PLEKHB2: variants seen among roughly 807,000 people sequenced by gnomAD.
PLEKHB2 encodes the protein pleckstrin homology domain-containing family B member 2.
A neutral mutation model predicts 36.5 loss-of-function variants in PLEKHB2; 31 were observed. The ratio of observed to expected loss-of-function variants is 0.85; its 90% CI spans 0.64 to 1.15. The LOEUF is 1.15. Among genes scored for constraint, PLEKHB2 ranks in the 50% most tolerant of loss-of-function variants. The pLI, the probability that PLEKHB2 is intolerant of heterozygous loss-of-function variation, is 0.00. For synonymous variants in PLEKHB2, 119 were observed against 112.0 expected, an observed-to-expected ratio of 1.06 and a Z score of -0.39; for missense variants, 262 against 295.3, an observed-to-expected ratio of 0.89 and a Z score of 0.83.
rs537431537 is a variant in PLEKHB2, at chr2:131,122,206, C to T, written c.37+1228C>T. ...CTGGGATTACAGGCGTGAGCCACCG[C>T]GCCCGGCCTCATACTGTGTTTTAAA... On this transcript the variant is annotated intron_variant, in intron 2 of 7. Coordinates refer to ENST00000693505, the MANE Select transcript of PLEKHB2 (RefSeq NM_001100623.2). Among the ~76,000 whole-genome samples the T allele has an allele frequency of 5.1e-4, 77 of 152,178 alleles. No individual in the cohort carries two copies. In the Middle Eastern group the frequency reaches 0.01, roughly 20 times the overall value.
intron 3 of PLEKHB2, 107 bp from the exon 4 acceptor site, chr2:131,126,577 A>G (rs1410295524): frequency 4.2e-6 from 3 of 708,520 alleles, no homozygotes; most frequent in South Asian, 3.1e-5. Context: ...TCATAGATGT[A>G]GCACTTGATT....
intron 1 of PLEKHB2, among the ~76,000 whole-genome samples, chr2:131,115,170 A>G (rs1695732234): frequency 6.6e-6 from 1 of 152,074 alleles, no homozygotes; most frequent in South Asian, 2.1e-4. Flanking sequence ...TCCCATTTAT[A>G]AAACTGTCAG....
intron 1 of PLEKHB2, among the ~76,000 whole-genome samples, chr2:131,110,093 T>TG (rs1248212975): frequency 6.6e-6 from 1 of 151,896 alleles, no homozygotes; most frequent in Non-Finnish European, 1.5e-5. Flanking sequence ...CCAGCCTGGG[T>TG]GACAGAGTGA....
At chr2:131,110,772 G>A (rs1695226048) in intron 1 of PLEKHB2, among the ~76,000 whole-genome samples, 2 of 152,264 alleles carry the variant, frequency 1.3e-5, no homozygotes, top group South Asian at 4.1e-4. Flanking sequence ...CTTGCTGATT[G>A]TTGATCCTTT....
At chr2:131,116,482 T>A (rs1480355583) in intron 1 of PLEKHB2, among the ~76,000 whole-genome samples, 2 of 152,204 alleles carry the variant, frequency 1.3e-5, no homozygotes, top group Non-Finnish European at 2.9e-5. Flanking sequence ...ACAGGAGGCA[T>A]GGCTGTGGAG....
chr2:131,115,542 A>G (rs2104802345), intron 1 of PLEKHB2, among the ~76,000 whole-genome samples: 1 of 151,438 alleles, frequency 6.6e-6, no homozygotes, highest in African/African-American at 2.4e-5. Context: ...TTTAGTAGAG[A>G]CGGGGTTTCA....
intron 1 of PLEKHB2, chr2:131,118,988 C>T (rs370143273): frequency 5.0e-4 from 76 of 151,126 alleles, no homozygotes; most frequent in African/African-American, 1.8e-3. Context: ...GGTGCGGTGG[C>T]TCATGCCTGT....
intron 4 of PLEKHB2, among the ~76,000 whole-genome samples, 185 bp from the exon 5 acceptor site, chr2:131,130,536 A>T (rs72982495): frequency 0.011 from 1,621 of 152,330 alleles, 23 homozygotes; most frequent in African/African-American, 0.033. Context: ...TAAATATTAC[A>T]TATCTATTAT....
In PLEKHB2 at chr2:131,112,335, A is replaced by G. The variant is rs79924491; in HGVS notation, c.-9+6937A>G. ...TGAACACTAACACCTTGCCCTATAC[A>G]TCTCTTCATCTGTGTCCTTTGTAAT... On this transcript the variant is annotated intron_variant, in intron 1 of 7. Transcript: ENST00000693505. Among the ~76,000 whole-genome samples, 70 of 152,320 alleles carry G rather than the reference A, an allele frequency of 4.6e-4. No individual in the cohort carries two copies. In the East Asian group the frequency reaches 0.013, roughly 27 times the overall value.
At chr2:131,133,539 A>G (rs2104917355) in intron 6 of PLEKHB2, among the ~76,000 whole-genome samples, 1 of 152,316 alleles carries the variant, frequency 6.6e-6, no homozygotes, top group South Asian at 2.1e-4. Flanking sequence ...TGTTTTCCCC[A>G]TTTGTTAATA....
chr2:131,131,534 G>A (rs552035862), intron 5 of PLEKHB2, among the ~76,000 whole-genome samples: 2 of 152,192 alleles, frequency 1.3e-5, no homozygotes, highest in South Asian at 4.1e-4. Context: ...GTGTTACTCT[G>A]GTCAGAGTTT....
At chr2:131,138,569 C>G (rs1045341938) in intron 6 of PLEKHB2, among the ~76,000 whole-genome samples, 2 of 152,148 alleles carry the variant, frequency 1.3e-5, no homozygotes, top group African/African-American at 4.8e-5. Context: ...GAAGTCCGGG[C>G]TCGCCTTGAG....
At chr2:131,130,834 G>A in intron 5 of PLEKHB2, 74 bp downstream of exon 5, 4 of 1,068,560 alleles carry the variant, frequency 3.7e-6, no homozygotes, top group Admixed American at 3.6e-5. Flanking sequence ...AGGCTTGAGT[G>A]CAGTGGTGCT....
intron 5 of PLEKHB2, among the ~76,000 whole-genome samples, chr2:131,131,424 GTC>G (rs1697664038): frequency 1.3e-5 from 2 of 152,162 alleles, no homozygotes; most frequent in Non-Finnish European, 2.9e-5. Context: ...ACTTGTACTT[GTC>G]TCTCGTCCTG....
chr2:131,128,084 C>T (rs1697276088), intron 4 of PLEKHB2, among the ~76,000 whole-genome samples: 1 of 152,200 alleles, frequency 6.6e-6, no homozygotes, highest in Non-Finnish European at 1.5e-5. Flanking sequence ...ATGTCCTTCT[C>T]TTCTAGCCCT....
chr2:131,133,819 A>T (rs964675536), intron 6 of PLEKHB2, among the ~76,000 whole-genome samples: 1 of 151,864 alleles, frequency 6.6e-6, no homozygotes, highest in African/African-American at 2.4e-5. Context: ...TGGTCTTGGG[A>T]GTTTAACGTT....
intron 2 of PLEKHB2, among the ~76,000 whole-genome samples, chr2:131,123,191 A>G (rs1346484107): frequency 2.0e-5 from 3 of 152,214 alleles, no homozygotes; most frequent in Non-Finnish European, 4.4e-5. Flanking sequence ...TTTACTCTGT[A>G]TATAACCCCA....
chr2:131,127,084 A>G, intron 4 of PLEKHB2: 1 of 266,120 alleles, frequency 3.8e-6, no homozygotes, highest in South Asian at 5.3e-5. Flanking sequence ...TAAAATGACC[A>G]GAAAAGCAAG....
At chr2:131,116,248 TGTTTCCCAAGTCTGCTGTTCA>T (rs1373626317) in intron 1 of PLEKHB2, among the ~76,000 whole-genome samples, 2 of 152,200 alleles carry the variant, frequency 1.3e-5, no homozygotes, top group Non-Finnish European at 2.9e-5. Flanking sequence ...TGGCCCGAGT[TGTTTCCCAAGTCTGCTGTTCA>T]GTTTCTCCTT....
Sources: gnomAD v4.1 joint callset for allele counts (sites outside exome capture counted in the v4.1 genomes callset) on GRCh38, gnomAD v4.1.1 for gene constraint, MANE v1.5 for transcripts, NCBI Gene and HGNC (gene_info 2026-07-23, HGNC 2026-07-21) for gene names.